The following NEK10 variants were observed in gnomAD, a reference collection of about 807,000 sequenced individuals.
NEK10 encodes NIMA related kinase 10.
Under a neutral mutation model 159.8 loss-of-function variants are expected in NEK10, and 122 were observed. That is an observed-to-expected ratio of 0.76 (90% CI 0.66 to 0.89). The LOEUF (loss-of-function observed/expected upper bound fraction) is 0.89. Ranked by LOEUF, NEK10 falls within the 40% of genes least tolerant of loss-of-function variation. NEK10 has a pLI of 0.00. For missense variants in NEK10, 1,342 were observed against 1,323.1 expected (o/e 1.01, Z -0.22); for synonymous variants, 466 against 457.1 (o/e 1.02, Z -0.25).
At chr3:27,344,232 C>T in intron 5 of NEK10, 40 bp downstream of exon 5, 1 of 911,118 alleles carries the variant, frequency 1.1e-6, no homozygotes, top group Non-Finnish European at 1.8e-6. Context: ...TGACATATGC[C>T]ACTCTTCAGT....
At chr3:27,233,345 C>T (rs1026573111) in intron 23 of NEK10, among the ~76,000 whole-genome samples, 5 of 151,900 alleles carry the variant, frequency 3.3e-5, no homozygotes, top group African/African-American at 4.8e-5. Flanking sequence ...AATGAGATAC[C>T]ACCTTACTCC....
intron 11 of NEK10, 22 bp downstream of exon 11, chr3:27,307,837 T>G: frequency 1.7e-6 from 2 of 1,185,236 alleles, no homozygotes; most frequent in Non-Finnish European, 2.5e-6. Flanking sequence ...GCATTGTCTT[T>G]TTCTACTGTT....
At chr3:27,203,092 T>C (rs2149045457) in intron 23 of NEK10, among the ~76,000 whole-genome samples, 1 of 152,280 alleles carries the variant, frequency 6.6e-6, no homozygotes, top group South Asian at 2.1e-4. Flanking sequence ...GAAGAATGTG[T>C]AACAGGTAGC....
intron 30 of NEK10, among the ~76,000 whole-genome samples, chr3:27,161,321 CCAT>C (rs1354108020): frequency 1.3e-5 from 2 of 152,178 alleles, no homozygotes; most frequent in African/African-American, 4.8e-5. Flanking sequence ...CTTAATAAAA[CCAT>C]CATTTTTGGC....
intron 23 of NEK10, among the ~76,000 whole-genome samples, chr3:27,209,377 C>G (rs1286101371): frequency 6.6e-6 from 1 of 152,178 alleles, no homozygotes; most frequent in African/African-American, 2.4e-5. Flanking sequence ...TCTGCACTTA[C>G]TTTACAAAAA....
chr3:27,108,781 C>T lies in NEK10; in HGVS notation c.*2491G>A, dbSNP rs1939232217. Among the ~76,000 whole-genome samples the T allele has an allele frequency of 6.6e-6, 1 of 152,148 alleles. No individual in the cohort carries two copies. Among genetic ancestry groups the T allele is most frequent in the Non-Finnish European group, 1.5e-5 (1 of 68,032 alleles). On this transcript the variant is annotated 3_prime_UTR_variant, in exon 36 of 36. Coordinates refer to ENST00000691995, the MANE Select transcript of NEK10 (RefSeq NM_001394966.1). ...TCATTCTTGGTCATGAGGGGAGGTG[C>T]TCCATATTTGTGTTAGAAAGGCTTC...
intron 30 of NEK10, among the ~76,000 whole-genome samples, chr3:27,145,531 G>A (rs17317121): frequency 0.051 from 7,715 of 152,206 alleles, 239 homozygotes; most frequent in Non-Finnish European, 0.06. Context: ...CAAGCATGAC[G>A]CTAAAGAGCT....
intron 23 of NEK10, among the ~76,000 whole-genome samples, chr3:27,208,774 G>T (rs35798440): frequency 0.24 from 35,750 of 152,110 alleles, 4,551 homozygotes; most frequent in Middle Eastern, 0.38. Flanking sequence ...CACAATTGGG[G>T]ATATTCAATG....
chr3:27,258,970 T>G (rs958713659), intron 22 of NEK10, among the ~76,000 whole-genome samples: 1 of 152,238 alleles, frequency 6.6e-6, no homozygotes, highest in African/African-American at 2.4e-5. Flanking sequence ...TGATGGCCAG[T>G]GATGATGAGC....
intron 13 of NEK10, among the ~76,000 whole-genome samples, chr3:27,298,833 C>A (rs2043574555): frequency 6.6e-6 from 1 of 152,128 alleles, no homozygotes; most frequent in Admixed American, 6.5e-5. Context: ...CCCTAGAGAT[C>A]TGTGGAACTT....
intron 19 of NEK10, among the ~76,000 whole-genome samples, chr3:27,288,744 T>G (rs2042793298): frequency 6.6e-6 from 1 of 152,194 alleles, no homozygotes; most frequent in Non-Finnish European, 1.5e-5. Flanking sequence ...AATTTTGTAG[T>G]TTTTGCTTAT....
intron 26 of NEK10, among the ~76,000 whole-genome samples, chr3:27,182,256 G>C (rs989213962): frequency 5.3e-5 from 8 of 152,162 alleles, no homozygotes; most frequent in Admixed American, 1.3e-4. Context: ...TAAAGCATAT[G>C]TGTGGTAATG....
intron 22 of NEK10, among the ~76,000 whole-genome samples, chr3:27,259,958 G>C (rs911876317): frequency 6.6e-6 from 1 of 152,036 alleles, no homozygotes; most frequent in Non-Finnish European, 1.5e-5. Flanking sequence ...TGGATTCCTA[G>C]GTATTTTATT....
intron 23 of NEK10, among the ~76,000 whole-genome samples, chr3:27,234,870 C>T (rs1179936604): frequency 1.3e-5 from 2 of 152,100 alleles, no homozygotes; most frequent in Non-Finnish European, 2.9e-5. Flanking sequence ...AGCTATACTA[C>T]AGGGCTATAG....
chr3:27,222,120 C>A (rs9842301), intron 23 of NEK10, among the ~76,000 whole-genome samples: 113 of 152,294 alleles, frequency 7.4e-4, no homozygotes, highest in African/African-American at 2.6e-3. Context: ...TGCCTGTAAT[C>A]CCAGCAATTT....
rs142959649 is a variant in NEK10 at position 27,215,090 on chromosome 3, G to A, written c.2091-12533C>T. The A allele has an allele frequency of 7.1e-3, 3,485 of 494,244 alleles. 18 individuals carry two copies. Among genetic ancestry groups the A allele is most frequent in the Non-Finnish European group, 0.01 (2,682 of 266,174 alleles). 30.6% of individuals were successfully genotyped at this position (494,244 alleles called of 1,614,324 possible). ...GCTCCAACCCCTGCAAGTCTCGCGA[G>A]CTATTTTCTTTAAAAGCATTACCCT... is the stretch of plus-strand genomic sequence containing the variant. On this transcript the variant is annotated intron_variant, in intron 23 of 35. Coordinates refer to ENST00000691995, the MANE Select transcript of NEK10 (RefSeq NM_001394966.1).
intron 30 of NEK10, among the ~76,000 whole-genome samples, chr3:27,152,346 C>T (rs1296222988): frequency 6.6e-6 from 1 of 152,094 alleles, no homozygotes; most frequent in Non-Finnish European, 1.5e-5. Flanking sequence ...CTTCAGCCTC[C>T]TCAAACTAAA....
chr3:27,295,320 T>G (rs531541323), intron 15 of NEK10, among the ~76,000 whole-genome samples: 22 of 152,342 alleles, frequency 1.4e-4, no homozygotes, highest in African/African-American at 5.1e-4. Context: ...TGTTGTTATA[T>G]TCTGATACAT....
At chr3:27,311,479 T>C (rs2044694535) in intron 8 of NEK10, 3 of 157,390 alleles carry the variant, frequency 1.9e-5, no homozygotes, top group African/African-American at 4.8e-5. Context: ...TCTCCCTGGA[T>C]CTGAGAATCA....
Sources: gnomAD v4.1 joint callset for allele counts (sites outside exome capture counted in the v4.1 genomes callset) on GRCh38, gnomAD v4.1.1 for gene constraint, MANE v1.5 for transcripts, NCBI Gene and HGNC (gene_info 2026-07-23, HGNC 2026-07-21) for gene names.